The following MAST4 variants were observed in gnomAD, a reference collection of about 807,000 sequenced individuals.
MAST4 encodes the protein microtubule-associated serine/threonine-protein kinase 4.
Under a neutral mutation model 162.7 loss-of-function variants are expected in MAST4, and 89 were observed. The observed-to-expected ratio is 0.55, with a 90% CI of 0.46 to 0.65. The LOEUF (loss-of-function observed/expected upper bound fraction) is 0.65. Among genes scored for constraint, MAST4 ranks in the 30% least tolerant of loss-of-function variants. MAST4 has a pLI of 0.00. For missense variants in MAST4, 3,153 were observed against 3,374.0 expected, an observed-to-expected ratio of 0.93 and a Z score of 1.62; for synonymous variants, 1,479 against 1,361.1, an observed-to-expected ratio of 1.09 and a Z score of -1.91.
At chr5:66,836,245 AAAG>A (rs1757962556) in intron 3 of MAST4, among the ~76,000 whole-genome samples, 1 of 152,204 alleles carries the variant, frequency 6.6e-6, no homozygotes. Flanking sequence ...CAAGTGAAAA[AAAG>A]AGCAGGCTGT....
chr5:66,941,031 C>T (rs1212330275), intron 4 of MAST4, among the ~76,000 whole-genome samples: 1 of 152,050 alleles, frequency 6.6e-6, no homozygotes, highest in East Asian at 1.9e-4. Flanking sequence ...TTTTTCTGAG[C>T]ACTAGGTCTC....
At chr5:66,917,211 T>C in intron 4 of MAST4, 2 of 521,214 alleles carry the variant, frequency 3.8e-6, no homozygotes, top group Non-Finnish European at 6.9e-6. Flanking sequence ...GTTGAGTATA[T>C]TTTCATATGT....
Position 66,974,285 on chromosome 5 carries a change from C to G in MAST4, c.674+74303C>G, listed in dbSNP as rs909433862. Among the ~76,000 whole-genome samples the G allele has an allele frequency of 6.6e-5, 10 of 152,096 alleles. No homozygotes were observed. In the East Asian group the frequency reaches 1.9e-3, roughly 29 times the overall value. On this transcript the variant is annotated intron_variant, in intron 4 of 28. Transcript: ENST00000403625. ...TGCCTATTTTGGTTATCATTGAGTC[C>G]CTAGTATCTGGCACATAATGTGACC...
intron 1 of MAST4, among the ~76,000 whole-genome samples, chr5:66,747,396 T>C (rs1030362042): frequency 3.3e-5 from 5 of 152,236 alleles, no homozygotes; most frequent in African/African-American, 1.2e-4. Context: ...AAACCAAAGA[T>C]GGAAAATGAT....
chr5:66,775,012 TGTG>T (rs1330326297), intron 2 of MAST4, among the ~76,000 whole-genome samples: 1 of 146,350 alleles, frequency 6.8e-6, no homozygotes, highest in African/African-American at 2.5e-5. Flanking sequence ...TGTGTGTGTG[TGTG>T]TGTGTGTGTG....
chr5:66,816,335 C>A (rs1756719429), intron 3 of MAST4, among the ~76,000 whole-genome samples: 1 of 151,998 alleles, frequency 6.6e-6, no homozygotes, highest in East Asian at 1.9e-4. Flanking sequence ...GACTGGGCAC[C>A]CCTGTTCACG....
chr5:67,116,333 G>A (rs1187022462), intron 12 of MAST4, among the ~76,000 whole-genome samples: 1 of 151,742 alleles, frequency 6.6e-6, no homozygotes, highest in Non-Finnish European at 1.5e-5. Context: ...AGCCTCCCGA[G>A]TATCTGGGAT....
intron 1 of MAST4, among the ~76,000 whole-genome samples, chr5:66,689,416 T>A (rs1456273701): frequency 6.6e-6 from 1 of 152,174 alleles, no homozygotes; most frequent in Admixed American, 6.5e-5. Flanking sequence ...CATCCACAAT[T>A]TAGTGCTTTT....
intron 1 of MAST4, among the ~76,000 whole-genome samples, chr5:66,612,513 G>A (rs114955178): frequency 0.029 from 4,422 of 152,248 alleles, 189 homozygotes; most frequent in African/African-American, 0.097. Context: ...TGCAAAGGGC[G>A]TAGGAGTTGG....
chr5:66,689,997 G>A (rs901968632), intron 1 of MAST4, among the ~76,000 whole-genome samples: 6 of 152,154 alleles, frequency 3.9e-5, no homozygotes, highest in Admixed American at 2.0e-4. Flanking sequence ...CATAGGCCAT[G>A]CTGTGGAAAC....
At chr5:66,660,530 A>G (rs1746837957) in intron 1 of MAST4, among the ~76,000 whole-genome samples, 1 of 152,248 alleles carries the variant, frequency 6.6e-6, no homozygotes, top group African/African-American at 2.4e-5. Flanking sequence ...CAGCCTGACC[A>G]TAACCGGGAC....
chr5:67,142,714 G>T (rs1003145058), intron 21 of MAST4, 181 bp downstream of exon 21: 12 of 500,292 alleles, frequency 2.4e-5, no homozygotes, highest in African/African-American at 2.0e-4. Flanking sequence ...TATCCCCTAG[G>T]CCTTTAGACT....
chr5:67,076,609 C>T (rs1561616950), intron 5 of MAST4, among the ~76,000 whole-genome samples: 1 of 152,122 alleles, frequency 6.6e-6, no homozygotes, highest in Non-Finnish European at 1.5e-5. Flanking sequence ...TATACCTGAC[C>T]CCCCTCCCCA....
At chr5:67,024,071 C>A (rs146515306) in intron 4 of MAST4, among the ~76,000 whole-genome samples, 255 of 151,664 alleles carry the variant, frequency 1.7e-3, no homozygotes, top group Middle Eastern at 6.8e-3. Flanking sequence ...TCCCCCTCCC[C>A]CAACCCCTGG....
intron 14 of MAST4, among the ~76,000 whole-genome samples, chr5:67,125,385 A>G: frequency 6.6e-6 from 1 of 151,910 alleles, no homozygotes; most frequent in East Asian, 1.9e-4. Flanking sequence ...TATTTCTCCT[A>G]ATGCTATCCC....
intron 3 of MAST4, among the ~76,000 whole-genome samples, chr5:66,840,679 C>T (rs1758359592): frequency 6.6e-6 from 1 of 152,160 alleles, no homozygotes; most frequent in Admixed American, 6.5e-5. Flanking sequence ...TTAAAATATG[C>T]TTCTGCAGGT....
intron 3 of MAST4, among the ~76,000 whole-genome samples, chr5:66,895,924 C>G (rs1057169997): frequency 3.3e-5 from 5 of 152,260 alleles, no homozygotes; most frequent in Middle Eastern, 3.4e-3. Flanking sequence ...TCCAGTCCCT[C>G]AAAATGTTGG....
At chr5:67,041,608 A>C (rs958179744) in intron 4 of MAST4, among the ~76,000 whole-genome samples, 13 of 152,186 alleles carry the variant, frequency 8.5e-5, no homozygotes, top group Admixed American at 5.2e-4. Context: ...GTTAATCTCC[A>C]CATAGCCCTC....
In MAST4 at chr5:67,166,219, A is replaced by G. The variant is rs1347365328; in HGVS notation, c.7040A>G (p.Lys2347Arg). Residue 2347 changes from lysine (K) to arginine (R), a missense_variant, in exon 29 of 29, where the codon AAA becomes AGA. Physicochemically the swap from Lys to Arg is conservative, Grantham distance 26. This residue lies in a region of MAST4 where 1,644 missense variants were observed against 1,495.0 expected (regional missense o/e 1.10). Coordinates refer to ENST00000403625, the MANE Select transcript of MAST4 (RefSeq NM_001164664.2). ...GTGAAAGATTGCCCCACCCTGTGCA[A>G]ACAGACAGACAACAGACAGACAGAC... ...STVKDCPTLC[K>R]QTDNRQTDKS... The G allele has an allele frequency of 4.5e-6, 7 of 1,552,152 alleles. No homozygotes were observed. Among genetic ancestry groups the G allele is most frequent in the Middle Eastern group, 1.7e-4 (1 of 6,016 alleles).
Sources: allele counts gnomAD v4.1 joint callset (sites outside exome capture counted in the v4.1 genomes callset), GRCh38; gene constraint gnomAD v4.1.1; regional missense constraint gnomAD v4.1.1; transcripts MANE v1.5; gene names NCBI Gene and HGNC (gene_info 2026-07-23, HGNC 2026-07-21).